CC2D2A: variants seen among roughly 807,000 people sequenced by gnomAD.
CC2D2A encodes coiled-coil and C2 domain containing 2A.
CC2D2A carries 155 observed loss-of-function variants against 212.9 expected under a neutral mutation model. The ratio of observed to expected loss-of-function variants is 0.73; its 90% CI spans 0.64 to 0.83. The LOEUF is 0.83. Among genes scored for constraint, CC2D2A ranks in the 40% least tolerant of loss-of-function variants. CC2D2A has a pLI of 0.00. For synonymous variants in CC2D2A, 667 were observed against 686.5 expected, an observed-to-expected ratio of 0.97 and a Z score of 0.44; for missense variants, 1,856 against 1,956.2, an observed-to-expected ratio of 0.95 and a Z score of 0.97.
At chr4:15,515,809 C>A in intron 9 of CC2D2A, 59 bp from the exon 10 acceptor site, 1 of 1,429,434 alleles carries the variant, frequency 7.0e-7, no homozygotes, top group Non-Finnish European at 9.4e-7. Context: ...CACCAAACTG[C>A]AGTTTGAGAT....
chr4:15,500,107 G>GTGTGTGTGTATATA lies in CC2D2A; in HGVS notation c.248-2321_248-2320insGTGTGTGTATATAT, dbSNP rs1479141284. On this transcript the variant is annotated intron_variant, in intron 4 of 36. Coordinates refer to ENST00000424120, the MANE Select transcript of CC2D2A (RefSeq NM_001378615.1). The stretch of plus-strand genomic sequence containing the variant: ...TGTGTGTGTGTGTGTGTGTGTGTGT[G>GTGTGTGTGTATATA]TATATATATATATATATATATATAT... Among the ~76,000 whole-genome samples, 916 of 112,828 alleles carry GTGTGTGTGTATATA rather than the reference G, an allele frequency of 8.1e-3. 4 individuals carry two copies. Among genetic ancestry groups the GTGTGTGTGTATATA allele is most frequent in the East Asian group, 0.025 (103 of 4,162 alleles). The allele number at this position is 112,828 out of a possible 152,430, so 74.0% of individuals were successfully genotyped here. A position where few individuals can be genotyped will look rare whatever the true frequency, so the allele number is the denominator to read the frequency against.
chr4:15,565,399 G>GT (rs11445564), intron 24 of CC2D2A, among the ~76,000 whole-genome samples: 66,369 of 140,182 alleles, frequency 0.47, 15,870 homozygotes, highest in Middle Eastern at 0.55. Flanking sequence ...TCCACATACG[G>GT]TTTTTTTTTT....
intron 11 of CC2D2A, among the ~76,000 whole-genome samples, chr4:15,522,509 T>A (rs1577345835): frequency 7.6e-5 from 7 of 92,040 alleles, no homozygotes; most frequent in Admixed American, 7.3e-4. Flanking sequence ...TTTTTGAATG[T>A]TTTTTTTTTT....
intron 20 of CC2D2A, among the ~76,000 whole-genome samples, chr4:15,556,354 T>C (rs1393897200): frequency 6.6e-6 from 1 of 152,222 alleles, no homozygotes; most frequent in Non-Finnish European, 1.5e-5. Flanking sequence ...TGGTTTATTC[T>C]GACTTTTATC....
At position 15,527,563 on chromosome 4, in the gene CC2D2A, C is replaced by G. The variant is rs1229319521; in HGVS notation, c.1266C>G (p.Ser422Arg). ...TCTTCACTCATCATCCCTGTTTTAG[C>G]CGAGAGCATGTTTTGGCAGCCAAGC... ...GLIFTHHPCF[S>R]REHVLAAKLA... The change falls in exon 12 of 37, where the codon AGC (serine) becomes AGG (arginine). Residue 422 changes from serine to arginine, a missense_variant. Physicochemically the swap from Ser to Arg is moderately radical, Grantham distance 110. Transcript: ENST00000424120. The G allele has an allele frequency of 6.2e-7, 1 of 1,613,348 alleles. No homozygotes were observed. Among genetic ancestry groups the G allele is most frequent in the East Asian group, 2.2e-5 (1 of 44,884 alleles).
chr4:15,476,044 G>A (rs929725451), intron 2 of CC2D2A, 73 bp downstream of exon 2: 7 of 1,382,730 alleles, frequency 5.1e-6, no homozygotes, highest in Non-Finnish European at 7.0e-6. Flanking sequence ...GTTTGTGAAT[G>A]AGGAAGTTAG....
chr4:15,538,201 GCA>G, intron 16 of CC2D2A, 64 bp downstream of exon 16: 1 of 1,454,208 alleles, frequency 6.9e-7, no homozygotes, highest in African/African-American at 1.4e-5. Flanking sequence ...GTGGGCACAT[GCA>G]CACACACATG....
At chr4:15,597,505 AG>A in intron 35 of CC2D2A, 40 bp downstream of exon 35, 2 of 1,479,814 alleles carry the variant, frequency 1.4e-6, no homozygotes, top group Non-Finnish European at 1.8e-6. Context: ...ATCTGTCACT[AG>A]GAGTATAATA....
chr4:15,584,833 A>T (rs762241886), intron 30 of CC2D2A, among the ~76,000 whole-genome samples: 5 of 152,232 alleles, frequency 3.3e-5, no homozygotes, highest in Non-Finnish European at 7.4e-5. Context: ...TTTAAAAATT[A>T]GCAAAAGAGC....
chr4:15,591,755 G>A (rs1721119257), intron 33 of CC2D2A, among the ~76,000 whole-genome samples: 2 of 152,088 alleles, frequency 1.3e-5, no homozygotes, highest in East Asian at 1.9e-4. Flanking sequence ...TCATTTTAAG[G>A]TCATTAGTAA....
intron 4 of CC2D2A, among the ~76,000 whole-genome samples, chr4:15,489,013 C>T (rs1038361997): frequency 6.6e-6 from 1 of 152,196 alleles, no homozygotes; most frequent in African/African-American, 2.4e-5. Context: ...TTCCATCTTG[C>T]ACCATCTCTT....
chr4:15,505,223 C>T (rs770766111), intron 6 of CC2D2A, among the ~76,000 whole-genome samples: 8 of 152,186 alleles, frequency 5.3e-5, no homozygotes, highest in South Asian at 2.1e-4. Context: ...AATTTACCAA[C>T]GCAAACCACT....
chr4:15,591,288 C>T (rs368016360), intron 33 of CC2D2A, among the ~76,000 whole-genome samples: 4 of 148,644 alleles, frequency 2.7e-5, no homozygotes, highest in East Asian at 2.0e-4. Flanking sequence ...GGAGCGATCT[C>T]GGCTCAACGC....
chr4:15,512,997 T>C (rs1236295498), intron 8 of CC2D2A, among the ~76,000 whole-genome samples: 1 of 152,002 alleles, frequency 6.6e-6, no homozygotes, highest in East Asian at 1.9e-4. Context: ...GTTATATATA[T>C]TTTACCACAT....
chr4:15,590,991 G>C (rs1235107863), intron 33 of CC2D2A, among the ~76,000 whole-genome samples: 1 of 152,092 alleles, frequency 6.6e-6, no homozygotes, highest in Non-Finnish European at 1.5e-5. Flanking sequence ...GCCTCCCAAA[G>C]TGCTGGGATT....
At chr4:15,479,795 C>T (rs1402280242) in intron 3 of CC2D2A, among the ~76,000 whole-genome samples, 2 of 152,134 alleles carry the variant, frequency 1.3e-5, no homozygotes, top group Admixed American at 1.3e-4. Flanking sequence ...AGGGTTCAAG[C>T]CTTTAGCTCC....
chr4:15,575,429 A>C (rs891166483), intron 29 of CC2D2A, among the ~76,000 whole-genome samples: 1 of 152,232 alleles, frequency 6.6e-6, no homozygotes, highest in African/African-American at 2.4e-5. Flanking sequence ...GGAGTACAGT[A>C]GGCTAGAAAA....
chr4:15,475,551 T>C (rs1238459180), intron 1 of CC2D2A, among the ~76,000 whole-genome samples: 1 of 152,046 alleles, frequency 6.6e-6, no homozygotes, highest in Non-Finnish European at 1.5e-5. Flanking sequence ...GTAGAAGCCC[T>C]CTCTGGTCTT....
At chr4:15,549,512 T>A (rs1457235622) in intron 17 of CC2D2A, among the ~76,000 whole-genome samples, 1 of 152,148 alleles carries the variant, frequency 6.6e-6, no homozygotes, top group East Asian at 1.9e-4. Flanking sequence ...CACCACTTCA[T>A]CCTCACTCCT....
Sources: gnomAD v4.1 joint callset for allele counts (sites outside exome capture counted in the v4.1 genomes callset) on GRCh38, gnomAD v4.1.1 for gene constraint, MANE v1.5 for transcripts, NCBI Gene and HGNC (gene_info 2026-07-23, HGNC 2026-07-21) for gene names.